PTPRK: variants seen among roughly 807,000 people sequenced by gnomAD.
PTPRK encodes protein tyrosine phosphatase receptor type K.
Under a neutral mutation model 178.0 loss-of-function variants are expected in PTPRK, and 75 were observed. That is an observed-to-expected ratio of 0.42 (90% CI 0.35 to 0.51). The LOEUF is 0.51. Ranked by LOEUF, PTPRK falls within the 20% of genes least tolerant of loss-of-function variation. The probability of loss-of-function intolerance (pLI) is 0.02; values close to 1 mark genes in which losing one functional copy is unlikely to be tolerated. For missense variants in PTPRK, 1,441 were observed against 1,797.8 expected (o/e 0.80, Z 3.59); for synonymous variants, 637 against 620.6 (o/e 1.03, Z -0.39).
intron 3 of PTPRK, among the ~76,000 whole-genome samples, chr6:128,311,339 T>C (rs1827218273): frequency 6.6e-6 from 1 of 152,276 alleles, no homozygotes; most frequent in Admixed American, 6.5e-5. Flanking sequence ...AGTCATAAGA[T>C]TGACTTGTAA....
At chr6:128,253,143 C>T (rs1275732081) in intron 3 of PTPRK, among the ~76,000 whole-genome samples, 1 of 152,020 alleles carries the variant, frequency 6.6e-6, no homozygotes, top group Non-Finnish European at 1.5e-5. Flanking sequence ...ATATGAAACT[C>T]AGAAATAAAA....
intron 7 of PTPRK, among the ~76,000 whole-genome samples, chr6:128,111,963 T>G (rs1790744160): frequency 6.6e-6 from 1 of 152,088 alleles, no homozygotes. Context: ...AATGAATGCT[T>G]AATTTTACCT....
chr6:128,281,528 A>G (rs1442116259), intron 3 of PTPRK, among the ~76,000 whole-genome samples: 2 of 152,096 alleles, frequency 1.3e-5, no homozygotes, highest in Non-Finnish European at 2.9e-5. Context: ...TTATCACCCT[A>G]TTCTCTGTCT....
At chr6:128,346,889 A>G (rs535484147) in intron 2 of PTPRK, among the ~76,000 whole-genome samples, 4 of 152,260 alleles carry the variant, frequency 2.6e-5, no homozygotes, top group South Asian at 2.1e-4. Flanking sequence ...TGCTATCCCT[A>G]TAAAAATAGG....
chr6:128,313,460 C>A (rs949581065), intron 3 of PTPRK, among the ~76,000 whole-genome samples: 3 of 152,034 alleles, frequency 2.0e-5, no homozygotes, highest in African/African-American at 7.2e-5. Flanking sequence ...AAGGGAGAGA[C>A]CACTGAGTGC....
At chr6:128,138,636 C>G (rs913983968) in intron 7 of PTPRK, among the ~76,000 whole-genome samples, 2 of 151,894 alleles carry the variant, frequency 1.3e-5, no homozygotes, top group African/African-American at 4.8e-5. Flanking sequence ...GTTAAATCAC[C>G]CTCACTTGTC....
intron 1 of PTPRK, among the ~76,000 whole-genome samples, chr6:128,492,780 C>T (rs1854014717): frequency 6.6e-6 from 1 of 152,180 alleles, no homozygotes. Flanking sequence ...AGCTGAAATA[C>T]TCCATCTCCC....
intron 3 of PTPRK, among the ~76,000 whole-genome samples, chr6:128,274,925 C>A (rs1820478333): frequency 6.6e-6 from 1 of 151,844 alleles, no homozygotes. Flanking sequence ...TAAAATCATT[C>A]AATAGAATCC....
intron 3 of PTPRK, among the ~76,000 whole-genome samples, chr6:128,271,500 A>G (rs1819817524): frequency 6.6e-6 from 1 of 152,270 alleles, no homozygotes; most frequent in Non-Finnish European, 1.5e-5. Context: ...GATAAAACCA[A>G]TGTACTAATC....
chr6:128,436,121 G>T lies in PTPRK; in HGVS notation c.101-38433C>A, dbSNP rs576383418. Among the ~76,000 whole-genome samples the T allele has an allele frequency of 3.6e-4, 54 of 151,904 alleles. 1 individual carries two copies. Among genetic ancestry groups the T allele is most frequent in the Admixed American group, 1.4e-3 (21 of 15,268 alleles). Reference sequence around the variant, plus strand: ...TTTCAATCCAAAAAGATAATTTGTTGCTCTTTGGGTCTCGACCAACATTTT... The same window carrying T: ...TTTCAATCCAAAAAGATAATTTGTTTCTCTTTGGGTCTCGACCAACATTTT... On this transcript the variant is annotated intron_variant, in intron 1 of 29. Coordinates refer to ENST00000368226, the MANE Select transcript of PTPRK (RefSeq NM_002844.4).
At chr6:128,407,737 C>A (rs1210410148) in intron 1 of PTPRK, among the ~76,000 whole-genome samples, 1 of 151,810 alleles carries the variant, frequency 6.6e-6, no homozygotes, top group East Asian at 1.9e-4. Context: ...TTCAATTTTC[C>A]CTCCAGCCCT....
At chr6:128,165,517 TCCCTGGA>T (rs1799275056) in intron 7 of PTPRK, among the ~76,000 whole-genome samples, 1 of 151,240 alleles carries the variant, frequency 6.6e-6, no homozygotes, top group Non-Finnish European at 1.5e-5. Context: ...TAAGCCTGCA[TCCCTGGA>T]TTATGAAGTT....
intron 6 of PTPRK, among the ~76,000 whole-genome samples, chr6:128,216,016 C>T (rs1297259658): frequency 6.6e-6 from 1 of 151,464 alleles, no homozygotes; most frequent in East Asian, 1.9e-4. Context: ...AAACTTATTC[C>T]TCTGTATTGG....
intron 5 of PTPRK, 65 bp downstream of exon 5, chr6:128,239,970 G>T: frequency 8.1e-7 from 1 of 1,240,514 alleles, no homozygotes. Context: ...ACAACAAACA[G>T]TCCTGTTGCA....
intron 7 of PTPRK, among the ~76,000 whole-genome samples, chr6:128,090,981 CT>C (rs1786826267): frequency 6.6e-6 from 1 of 152,170 alleles, no homozygotes; most frequent in Non-Finnish European, 1.5e-5. Flanking sequence ...AAAAGTCTGA[CT>C]TGGGGGCTTT....
chr6:128,458,798 T>C (rs2128410817), intron 1 of PTPRK, among the ~76,000 whole-genome samples: 1 of 152,288 alleles, frequency 6.6e-6, no homozygotes, highest in Non-Finnish European at 1.5e-5. Flanking sequence ...CACAGAGCAT[T>C]TTTCAGTGTA....
chr6:128,332,803 C>T (rs1830447608), intron 2 of PTPRK, among the ~76,000 whole-genome samples: 1 of 152,282 alleles, frequency 6.6e-6, no homozygotes, highest in African/African-American at 2.4e-5. Context: ...CTCCCTCTCT[C>T]ACTCTTTCTT....
intron 3 of PTPRK, among the ~76,000 whole-genome samples, chr6:128,307,564 T>A (rs1032619100): frequency 6.6e-6 from 1 of 151,758 alleles, no homozygotes; most frequent in Non-Finnish European, 1.5e-5. Context: ...GACAAGCATG[T>A]ATTATTGTCA....
chr6:128,377,153 G>A (rs1392900256), intron 2 of PTPRK, among the ~76,000 whole-genome samples: 1 of 152,088 alleles, frequency 6.6e-6, no homozygotes, highest in Non-Finnish European at 1.5e-5. Flanking sequence ...CCAATTTACT[G>A]TATTAGTCCA....
Sources: allele counts gnomAD v4.1 joint callset (sites outside exome capture counted in the v4.1 genomes callset), GRCh38; gene constraint gnomAD v4.1.1; transcripts MANE v1.5; gene names NCBI Gene and HGNC (gene_info 2026-07-23, HGNC 2026-07-21).